The following FHOD3 variants were observed in gnomAD, a reference collection of about 807,000 sequenced individuals.
The protein encoded by FHOD3 is formin homology 2 domain containing 3.
A neutral mutation model predicts 173.0 loss-of-function variants in FHOD3; 90 were observed. The ratio of observed to expected loss-of-function variants is 0.52; its 90% CI spans 0.44 to 0.62. The LOEUF (loss-of-function observed/expected upper bound fraction) is 0.62. FHOD3 is among the 20% of genes least tolerant of loss of function. The probability of loss-of-function intolerance (pLI) is 0.00; values close to 1 mark genes in which losing one functional copy is unlikely to be tolerated. For synonymous variants in FHOD3, 828 were observed against 823.0 expected, an observed-to-expected ratio of 1.01 and a Z score of -0.10; for missense variants, 1,945 against 2,034.7, an observed-to-expected ratio of 0.96 and a Z score of 0.85.
intron 3 of FHOD3, among the ~76,000 whole-genome samples, chr18:36,413,801 A>G (rs769112867): frequency 6.6e-5 from 10 of 152,302 alleles, no homozygotes; most frequent in Non-Finnish European, 1.0e-4. Context: ...TGTACATTTC[A>G]GTGTCATTAC....
At chr18:36,514,576 CA>C (rs1225078432) in intron 5 of FHOD3, among the ~76,000 whole-genome samples, 1 of 152,170 alleles carries the variant, frequency 6.6e-6, no homozygotes, top group Non-Finnish European at 1.5e-5. Context: ...TCCACACTGA[CA>C]ATATATTTTT....
intron 5 of FHOD3, among the ~76,000 whole-genome samples, chr18:36,554,973 T>C (rs1028895246): frequency 6.6e-6 from 1 of 152,206 alleles, no homozygotes; most frequent in Non-Finnish European, 1.5e-5. Flanking sequence ...TGGCTAGATA[T>C]ATATCAATTT....
chr18:36,389,268 C>G (rs958404196), intron 3 of FHOD3, among the ~76,000 whole-genome samples: 1 of 152,122 alleles, frequency 6.6e-6, no homozygotes, highest in African/African-American at 2.4e-5. Flanking sequence ...CCTTTCTTCT[C>G]CCTTAGGTCA....
At chr18:36,501,510 T>C (rs548820302) in intron 3 of FHOD3, among the ~76,000 whole-genome samples, 1 of 152,270 alleles carries the variant, frequency 6.6e-6, no homozygotes, top group Admixed American at 6.5e-5. Context: ...TCTGGCTGCG[T>C]GGGTTTTTCT....
chr18:36,374,594 G>A (rs1034193533), intron 3 of FHOD3, among the ~76,000 whole-genome samples: 6 of 152,190 alleles, frequency 3.9e-5, no homozygotes, highest in Non-Finnish European at 8.8e-5. Flanking sequence ...TATAAAAGGC[G>A]AGGGGGAATA....
chr18:36,406,411 G>A (rs1252036239), intron 3 of FHOD3, among the ~76,000 whole-genome samples: 1 of 152,106 alleles, frequency 6.6e-6, no homozygotes, highest in African/African-American at 2.4e-5. Flanking sequence ...AGCGTTTATG[G>A]GCCTCAAAAC....
chr18:36,639,745 C>A (rs1191194511), intron 10 of FHOD3, among the ~76,000 whole-genome samples: 4 of 151,036 alleles, frequency 2.6e-5, no homozygotes, highest in African/African-American at 9.7e-5. Context: ...ATGGTGTGAA[C>A]CTGGGAGGCG....
chr18:36,476,935 A>G (rs1177944226), intron 3 of FHOD3, among the ~76,000 whole-genome samples: 1 of 152,204 alleles, frequency 6.6e-6, no homozygotes, highest in Non-Finnish European at 1.5e-5. Context: ...AGTACTAACC[A>G]TGAATTGAGG....
At chr18:36,301,796 C>T (rs2091961796) in intron 1 of FHOD3, among the ~76,000 whole-genome samples, 1 of 152,208 alleles carries the variant, frequency 6.6e-6, no homozygotes, top group Non-Finnish European at 1.5e-5. Context: ...ATAGCCAACA[C>T]TGGAACTGTA....
intron 5 of FHOD3, among the ~76,000 whole-genome samples, chr18:36,557,667 A>C (rs991799970): frequency 6.6e-6 from 1 of 152,162 alleles, no homozygotes; most frequent in Admixed American, 6.5e-5. Flanking sequence ...ATTGAATTTC[A>C]CACACTGTGA....
rs527274541 is a variant in FHOD3 at position 36,326,292 on chromosome 18, A to G, written c.165+28292A>G. ...TTCCTTTATATCTTCCTTGTTTTCA[A>G]GCTAACCAGATAAGTTAAAAACTTA... On this transcript the variant is annotated intron_variant, in intron 1 of 28. Coordinates refer to ENST00000590592, the MANE Select transcript of FHOD3 (RefSeq NM_001281740.3). Among the ~76,000 whole-genome samples, 13 of 152,356 alleles carry G rather than the reference A, an allele frequency of 8.5e-5. No homozygotes were observed. The South Asian group carries it at 2.5e-3, about 29-fold the overall frequency.
rs142640038 is a variant in FHOD3, at chr18:36,740,751, G to A, written c.3672G>A (p.Gln1224=). Residue 1224 remains glutamine (Q), a synonymous_variant, in exon 21 of 29, where the codon CAG becomes CAA. Coordinates refer to ENST00000590592, the MANE Select transcript of FHOD3 (RefSeq NM_001281740.3). The part of the protein sequence containing the change: ...NPEIPLGSAE[Q]FLLTLSSISE... ...AAATCCCCCTGGGCAGTGCAGAGCA[G>A]TTCCTCCTCACCCTGTCCTCCATCA... 12 of 1,613,972 alleles carry A rather than the reference G, an allele frequency of 7.4e-6. No individual in the cohort carries two copies. The African/African-American group carries it at 1.6e-4, about 22-fold the overall frequency.
chr18:36,517,868 T>C (rs2056076839), intron 5 of FHOD3, among the ~76,000 whole-genome samples: 1 of 152,204 alleles, frequency 6.6e-6, no homozygotes, highest in Admixed American at 6.5e-5. Context: ...GAGTTGACTA[T>C]AGTCCACTAT....
intron 5 of FHOD3, among the ~76,000 whole-genome samples, chr18:36,570,071 G>A (rs1358336834): frequency 6.6e-6 from 1 of 151,838 alleles, no homozygotes; most frequent in Non-Finnish European, 1.5e-5. Flanking sequence ...TGATGAAGTT[G>A]AAAGCGGAGA....
chr18:36,676,503 T>A (rs573351215), intron 14 of FHOD3, among the ~76,000 whole-genome samples: 1 of 152,348 alleles, frequency 6.6e-6, no homozygotes, highest in African/African-American at 2.4e-5. Flanking sequence ...ACCATACATG[T>A]CTATCTTCTT....
At chr18:36,606,039 C>A (rs529855125) in intron 8 of FHOD3, among the ~76,000 whole-genome samples, 1 of 152,028 alleles carries the variant, frequency 6.6e-6, no homozygotes, top group Non-Finnish European at 1.5e-5. Flanking sequence ...GAGGGGTTAC[C>A]GTGAGGCTGG....
At position 36,623,708 on chromosome 18, in the gene FHOD3, A is replaced by G. The variant is rs192434702; in HGVS notation, c.958-1803A>G. Among the ~76,000 whole-genome samples, 32 of 152,364 alleles carry G rather than the reference A, an allele frequency of 2.1e-4. No homozygotes were observed. In the East Asian group the frequency reaches 5.4e-3, roughly 26 times the overall value. On this transcript the variant is annotated intron_variant, in intron 9 of 28. Transcript: ENST00000590592. ...AAAACAGTCAAAAGTCTGTTAAATT[A>G]TCGTCACCTATGGGAGTTTGTTATA...
At chr18:36,755,397 C>CTTTTTTTT (rs200164880) in intron 25 of FHOD3, 86 bp downstream of exon 25, 1 of 204,370 alleles carries the variant, frequency 4.9e-6, no homozygotes, top group Non-Finnish European at 7.5e-6. Context: ...AAAAGCTGTG[C>CTTTTTTTT]TTTTTTTTTT....
chr18:36,727,537 C>A (rs1199244555), intron 19 of FHOD3, among the ~76,000 whole-genome samples: 3 of 152,186 alleles, frequency 2.0e-5, no homozygotes, highest in Non-Finnish European at 2.9e-5. Context: ...AATGCTTATT[C>A]TTTCCTTCAT....
Sources: gnomAD v4.1 joint callset for allele counts (sites outside exome capture counted in the v4.1 genomes callset) on GRCh38, gnomAD v4.1.1 for gene constraint, MANE v1.5 for transcripts, NCBI Gene and HGNC (gene_info 2026-07-23, HGNC 2026-07-21) for gene names.